Variants in DNAJC1 observed in about 807,000 individuals in gnomAD.
The protein encoded by DNAJC1 is dnaJ homolog subfamily C member 1.
DNAJC1 carries 58 observed loss-of-function variants against 76.6 expected under a neutral mutation model. The observed-to-expected ratio is 0.76, with a 90% CI of 0.61 to 0.94. The LOEUF is 0.94. Among genes scored for constraint, DNAJC1 ranks in the 40% least tolerant of loss-of-function variants. The probability of loss-of-function intolerance (pLI) is 0.00; values close to 1 mark genes in which losing one functional copy is unlikely to be tolerated. For missense variants in DNAJC1, 689 were observed against 677.3 expected (o/e 1.02, Z -0.19); for synonymous variants, 258 against 267.9 (o/e 0.96, Z 0.36).
At chr10:21,867,660 C>T (rs545505707) in intron 8 of DNAJC1, among the ~76,000 whole-genome samples, 5 of 152,272 alleles carry the variant, frequency 3.3e-5, no homozygotes, top group African/African-American at 9.6e-5. Flanking sequence ...CTGGTTCCCA[C>T]ATGGCACTGG....
chr10:21,793,111 G>T (rs1451385664), intron 9 of DNAJC1, among the ~76,000 whole-genome samples: 5 of 152,120 alleles, frequency 3.3e-5, no homozygotes, highest in Non-Finnish European at 7.3e-5. Flanking sequence ...TTCAAGACCA[G>T]TCTGGCCAAC....
chr10:21,771,149 T>C (rs1212764208), intron 9 of DNAJC1, among the ~76,000 whole-genome samples: 1 of 152,246 alleles, frequency 6.6e-6, no homozygotes, highest in East Asian at 1.9e-4. Context: ...CTATGTATCC[T>C]GCAACCTTGC....
rs372560555 is a variant in DNAJC1 at position 21,919,943 on chromosome 10, G to C, written c.538-14C>G. 14 of 1,511,906 alleles carry C rather than the reference G, an allele frequency of 9.3e-6. No individual in the cohort carries two copies. In the East Asian group the frequency reaches 3.2e-4, roughly 34 times the overall value. 93.7% of individuals were successfully genotyped at this position (1,511,906 alleles called of 1,614,324 possible). On this transcript the variant is annotated splice_polypyrimidine_tract_variant and intron_variant, in intron 4 of 11. Transcript: ENST00000376980. ...TAGTAGTTCATCCTTAATGTGGAAA[G>C]AATTATGGTTACAGGTTATCATTAA...
In DNAJC1 at chr10:21,918,936, G is replaced by A. The variant is rs1292808395; in HGVS notation, c.636-64C>T. ...GAGGAATATACAGAGAAAGTTGGGA[G>A]GCAAAATAATTCTATAAAGATCATG... On this transcript the variant is annotated intron_variant, in intron 5 of 11. Coordinates refer to ENST00000376980, the MANE Select transcript of DNAJC1 (RefSeq NM_022365.4). 6 of 1,154,836 alleles carry A rather than the reference G, an allele frequency of 5.2e-6. No homozygotes were observed. The East Asian group carries it at 7.2e-5, about 14-fold the overall frequency. The allele number at this position is 1,154,836 out of a possible 1,614,324, so 71.5% of individuals were successfully genotyped here.
At chr10:21,983,391 ATATC>A (rs1429804930) in intron 1 of DNAJC1, among the ~76,000 whole-genome samples, 1 of 152,210 alleles carries the variant, frequency 6.6e-6, no homozygotes. Context: ...GACTCCATTT[ATATC>A]TAGTGCTTAT....
intron 6 of DNAJC1, among the ~76,000 whole-genome samples, chr10:21,904,986 T>C (rs114327800): frequency 8.0e-4 from 122 of 152,240 alleles, no homozygotes; most frequent in Admixed American, 2.0e-3. Context: ...ACTAACAAAG[T>C]ACTACTGCTA....
intron 9 of DNAJC1, among the ~76,000 whole-genome samples, chr10:21,799,677 C>T (rs1269851888): frequency 1.3e-5 from 2 of 152,054 alleles, no homozygotes; most frequent in African/African-American, 4.8e-5. Context: ...TATGAAACCT[C>T]CCTCCCTCCC....
intron 8 of DNAJC1, among the ~76,000 whole-genome samples, chr10:21,874,564 T>C (rs887959952): frequency 6.6e-6 from 1 of 152,176 alleles, no homozygotes; most frequent in African/African-American, 2.4e-5. Flanking sequence ...ATTTCAATTA[T>C]ATAAAGTGTC....
At chr10:21,758,700 C>A (rs537052476) in intron 11 of DNAJC1, among the ~76,000 whole-genome samples, 1 of 152,226 alleles carries the variant, frequency 6.6e-6, no homozygotes, top group Non-Finnish European at 1.5e-5. Flanking sequence ...CACGGTAATA[C>A]CATCTATACC....
chr10:22,003,352 C>CGCG lies in DNAJC1; in HGVS notation c.80_82dup (p.Pro27dup), dbSNP rs758795091. 1.1e-3 allele frequency: 1,626 copies of CGCG among 1,424,938 alleles called. 6 individuals are homozygous for CGCG. In the African/African-American group the frequency reaches 0.013, roughly 11 times the overall value. The allele number at this position is 1,424,938 out of a possible 1,614,324, so 88.3% of individuals were successfully genotyped here. On this transcript the variant is annotated inframe_insertion, in exon 1 of 12. Transcript: ENST00000376980. The stretch of plus-strand genomic sequence containing the variant: ...CAGCAGCAGCCACAGCAGCGGCGTC[C>CGCG]GCGGCGGCGGCGGCGGGAACGGCAC...
chr10:21,802,003 G>A (rs1036101499), intron 9 of DNAJC1, among the ~76,000 whole-genome samples: 3 of 152,278 alleles, frequency 2.0e-5, no homozygotes, highest in South Asian at 2.1e-4. Flanking sequence ...GGAGGAGGGA[G>A]AGGAGCAGAA....
intron 11 of DNAJC1, among the ~76,000 whole-genome samples, chr10:21,758,096 T>C (rs1201101222): frequency 6.6e-6 from 1 of 152,108 alleles, no homozygotes; most frequent in Non-Finnish European, 1.5e-5. Flanking sequence ...CGTTTATTTT[T>C]CTCCCCAGGA....
intron 1 of DNAJC1, among the ~76,000 whole-genome samples, chr10:21,965,751 T>C (rs1201900969): frequency 2.0e-5 from 3 of 152,234 alleles, no homozygotes; most frequent in Non-Finnish European, 4.4e-5. Context: ...AGTATATACC[T>C]AGGGTGGACG....
At chr10:21,760,383 A>G (rs575139704) in intron 10 of DNAJC1, among the ~76,000 whole-genome samples, 35 of 152,386 alleles carry the variant, frequency 2.3e-4, no homozygotes, top group African/African-American at 8.2e-4. Context: ...GTTACAACTC[A>G]TTAAGATAAA....
chr10:21,875,309 C>T (rs184624166), intron 8 of DNAJC1, among the ~76,000 whole-genome samples: 2 of 152,302 alleles, frequency 1.3e-5, no homozygotes, highest in East Asian at 3.9e-4. Context: ...TTGTGCACCA[C>T]CAAGCCTGGC....
chr10:21,912,574 T>C (rs990968191), intron 6 of DNAJC1, among the ~76,000 whole-genome samples: 2 of 152,170 alleles, frequency 1.3e-5, no homozygotes, highest in Non-Finnish European at 2.9e-5. Flanking sequence ...AACTTCTCCA[T>C]CTATTTTCAT....
intron 1 of DNAJC1, among the ~76,000 whole-genome samples, chr10:21,930,989 T>TA (rs556589259): frequency 2.0e-5 from 3 of 152,168 alleles, no homozygotes; most frequent in Non-Finnish European, 4.4e-5. Flanking sequence ...TACTTAAAAA[T>TA]AAAAACAACT....
At chr10:21,824,217 T>C (rs1317218814) in intron 8 of DNAJC1, among the ~76,000 whole-genome samples, 1 of 152,220 alleles carries the variant, frequency 6.6e-6, no homozygotes, top group African/African-American at 2.4e-5. Flanking sequence ...GAAGGAATAC[T>C]AAAGCTTCCA....
intron 9 of DNAJC1, among the ~76,000 whole-genome samples, chr10:21,793,734 T>C (rs1834720031): frequency 6.6e-6 from 1 of 152,036 alleles, no homozygotes; most frequent in Non-Finnish European, 1.5e-5. Context: ...TCTCTTGACC[T>C]CAGGAATTCA....
Sources: allele counts gnomAD v4.1 joint callset (sites outside exome capture counted in the v4.1 genomes callset), GRCh38; gene constraint gnomAD v4.1.1; transcripts MANE v1.5; gene names NCBI Gene and HGNC (gene_info 2026-07-23, HGNC 2026-07-21).